HOPX: variants seen among roughly 807,000 people sequenced by gnomAD.
HOPX encodes the protein HOP homeobox.
HOPX carries 5 observed loss-of-function variants against 11.8 expected under a neutral mutation model. The observed-to-expected ratio is 0.43, with a 90% confidence interval of 0.22 to 0.89. HOPX has a LOEUF of 0.89. Among genes scored for constraint, HOPX ranks in the 40% least tolerant of loss-of-function variants. The probability of loss-of-function intolerance (pLI) is 0.28; values close to 1 mark genes in which losing one functional copy is unlikely to be tolerated. For missense variants in HOPX, 119 were observed against 120.0 expected (o/e 0.99, Z 0.04); for synonymous variants, 49 against 49.7 (o/e 0.99, Z 0.06).
chr4:56,655,360 G>A (rs1306687724), intron 3 of HOPX, among the ~76,000 whole-genome samples: 1 of 152,142 alleles, frequency 6.6e-6, no homozygotes, highest in Non-Finnish European at 1.5e-5. Context: ...CCCGGCCTCA[G>A]CCTCCTGGTT....
intron 3 of HOPX, among the ~76,000 whole-genome samples, chr4:56,653,785 G>T (rs951252401): frequency 6.6e-6 from 1 of 152,206 alleles, no homozygotes; most frequent in African/African-American, 2.4e-5. Flanking sequence ...AATGGCAGAA[G>T]GGGGGAAATG....
At chr4:56,671,026 C>G (rs1486685898) in intron 1 of HOPX, among the ~76,000 whole-genome samples, 1 of 151,694 alleles carries the variant, frequency 6.6e-6, no homozygotes, top group African/African-American at 2.4e-5. Context: ...AATGGAGAAT[C>G]AAGTAGATAA....
intron 3 of HOPX, chr4:56,649,303 AT>A (rs1457091571): frequency 2.0e-5 from 3 of 152,498 alleles, no homozygotes; most frequent in Admixed American, 2.0e-4. Context: ...AGAGTTAGAA[AT>A]TAATCAATAT....
intron 1 of HOPX, among the ~76,000 whole-genome samples, chr4:56,675,787 CTCTA>C (rs1018191293): frequency 6.6e-6 from 1 of 151,740 alleles, no homozygotes; most frequent in Non-Finnish European, 1.5e-5. Context: ...CTTGCTGCCC[CTCTA>C]TCAAACCTGT....
rs141906115 is a variant in HOPX at position 56,650,729 on chromosome 4, C to A, written c.199-1932G>T. 3.9e-6 allele frequency: 6 copies of A among 1,551,656 alleles called. No homozygotes were observed. The East Asian group carries it at 1.5e-4, about 38-fold the overall frequency. On this transcript the variant is annotated intron_variant, in intron 3 of 3. Coordinates refer to ENST00000420433, the MANE Select transcript of HOPX (RefSeq NM_032495.6). ...GAGAAAAGTAATCGAAAGCCAAGCACGGCAGACTATCATGGGGGTAGCCTT... is the reference window on the plus strand; with the variant it reads ...GAGAAAAGTAATCGAAAGCCAAGCAAGGCAGACTATCATGGGGGTAGCCTT...
At position 56,656,005 on chromosome 4, in the gene HOPX, C is replaced by A. The variant is rs751773340; in HGVS notation, c.50G>T (p.Gly17Val). The change falls in exon 3 of 4, where the codon GGG (glycine) becomes GTG (valine). Residue 17 changes from glycine to valine, a missense_variant. By Grantham distance (109) the Gly-to-Val change is moderately radical. Transcript: ENST00000420433. ...CYRRRLEERA[G>V]TMSAETASGP... ...GCTCGCGGTCTCCGCCGACATGGTCCCTGCGCGCTGCGGGGCAGGGAGAAG... is the reference window on the plus strand; with the variant it reads ...GCTCGCGGTCTCCGCCGACATGGTCACTGCGCGCTGCGGGGCAGGGAGAAG... 6.3e-7 allele frequency: 1 copy of A among 1,596,508 alleles called. No homozygotes were observed. The highest frequency in any genetic ancestry group is 8.5e-7 in the Non-Finnish European group (1 of 1,172,258).
chr4:56,655,706 AG>A (rs1442768492), intron 3 of HOPX, 150 bp downstream of exon 3: 5 of 864,190 alleles, frequency 5.8e-6, no homozygotes, highest in Non-Finnish European at 8.5e-6. Flanking sequence ...GGAGCCATGC[AG>A]GGTCTGGGCC....
intron 2 of HOPX, 134 bp downstream of exon 2, chr4:56,657,641 A>G: frequency 4.3e-6 from 3 of 694,196 alleles, no homozygotes; most frequent in Non-Finnish European, 8.1e-6. Context: ...CCTAAAAATC[A>G]TAGCACTGAT....
chr4:56,661,928 G>A (rs1022652841), intron 1 of HOPX, among the ~76,000 whole-genome samples: 1 of 152,038 alleles, frequency 6.6e-6, no homozygotes, highest in African/African-American at 2.4e-5. Context: ...TGCTAAAAAC[G>A]TTACCATTTT....
At chr4:56,681,173 T>C in intron 1 of HOPX, 82 bp downstream of exon 1, 1 of 963,700 alleles carries the variant, frequency 1.0e-6, no homozygotes, top group Non-Finnish European at 1.2e-6. Flanking sequence ...GATGAGCAAA[T>C]ACGGTAACGA....
At chr4:56,658,727 T>C (rs1717931332) in intron 1 of HOPX, among the ~76,000 whole-genome samples, 1 of 152,218 alleles carries the variant, frequency 6.6e-6, no homozygotes, top group Non-Finnish European at 1.5e-5. Flanking sequence ...GTCTAAACAA[T>C]TTCAGATTAA....
At chr4:56,672,857 G>T (rs1718815934) in intron 1 of HOPX, 1 of 152,224 alleles carries the variant, frequency 6.6e-6, no homozygotes, top group East Asian at 1.9e-4. Context: ...GAGAAGGGGA[G>T]ATCACTGAAG....
At chr4:56,663,114 T>C (rs1460593067) in intron 1 of HOPX, 1 of 152,206 alleles carries the variant, frequency 6.6e-6, no homozygotes, top group Non-Finnish European at 1.5e-5. Flanking sequence ...TAAATTGAAA[T>C]GCAGATGATT....
chr4:56,668,703 T>C (rs1718570472), intron 1 of HOPX, among the ~76,000 whole-genome samples: 2 of 152,222 alleles, frequency 1.3e-5, no homozygotes, highest in South Asian at 2.1e-4. Context: ...ATAGCACTAG[T>C]TGCAGAGGGA....
At chr4:56,674,360 G>C (rs1312226517) in intron 1 of HOPX, among the ~76,000 whole-genome samples, 3 of 151,766 alleles carry the variant, frequency 2.0e-5, no homozygotes, top group Non-Finnish European at 2.9e-5. Context: ...TCAGGGCTAA[G>C]GAAGATTGTT....
intron 1 of HOPX, among the ~76,000 whole-genome samples, chr4:56,670,538 C>T (rs751546103): frequency 2.0e-5 from 3 of 152,060 alleles, no homozygotes; most frequent in Non-Finnish European, 4.4e-5. Flanking sequence ...TTTTGGAGTA[C>T]GTTATTAATT....
At chr4:56,650,371 T>C in intron 3 of HOPX, 1 of 234,514 alleles carries the variant, frequency 4.3e-6, no homozygotes, top group East Asian at 1.1e-4. Context: ...TCTAGAGGGC[T>C]CCCCACATAG....
chr4:56,660,368 A>T (rs1718043667), intron 1 of HOPX, among the ~76,000 whole-genome samples: 1 of 152,232 alleles, frequency 6.6e-6, no homozygotes, highest in Admixed American at 6.5e-5. Context: ...AAATAGGAAA[A>T]TGCATTTTAA....
chr4:56,658,116 G>T (rs1717884279), intron 1 of HOPX, among the ~76,000 whole-genome samples: 1 of 152,160 alleles, frequency 6.6e-6, no homozygotes, highest in Non-Finnish European at 1.5e-5. Flanking sequence ...AGCTAATTTT[G>T]TGTAACATAG....
Sources: allele counts gnomAD v4.1 joint callset (sites outside exome capture counted in the v4.1 genomes callset), GRCh38; gene constraint gnomAD v4.1.1; transcripts MANE v1.5; gene names NCBI Gene and HGNC (gene_info 2026-07-23, HGNC 2026-07-21).